WAPL: variants seen among roughly 807,000 people sequenced by gnomAD.
WAPL encodes WAPL cohesin release factor.
WAPL carries 5 observed loss-of-function variants against 121.0 expected under a neutral mutation model. The observed-to-expected ratio is 0.04, with a 90% CI of 0.02 to 0.09. WAPL has a LOEUF of 0.09. WAPL is among the 10% of genes least tolerant of loss of function. The pLI is 1.00. For synonymous variants in WAPL, 480 were observed against 481.5 expected, an observed-to-expected ratio of 1.00 and a Z score of 0.04; for missense variants, 999 against 1,410.8, an observed-to-expected ratio of 0.71 and a Z score of 4.68.
intron 15 of WAPL, among the ~76,000 whole-genome samples, chr10:86,449,713 A>T (rs1444035465): frequency 6.6e-6 from 1 of 152,222 alleles, no homozygotes; most frequent in East Asian, 1.9e-4. Context: ...GAGGCGACTG[A>T]CGGTAAGTTT....
At chr10:86,461,405 A>AAATTGAAAATTAGTTCTAATTTTC in intron 9 of WAPL, 118 bp from the exon 10 acceptor site, 1 of 695,706 alleles carries the variant, frequency 1.4e-6, no homozygotes, top group South Asian at 2.1e-5. Flanking sequence ...TTTATACATA[A>AAATTGAAAATTAGTTCTAATTTTC]AATTGAACTA....
rs1444295239 is a variant in WAPL at position 86,521,652 on chromosome 10, T to C, written c.-310A>G. ...AACAGAGCCTGCTGTGTGCCCCCGC[T>C]GGGCCGCCGCCGCCTCCTGCGCCGC... On this transcript the variant is annotated 5_prime_UTR_variant, in exon 1 of 19. Coordinates refer to ENST00000298767, the MANE Select transcript of WAPL (RefSeq NM_015045.5). 1 of 461,740 alleles carries C rather than the reference T, an allele frequency of 2.2e-6. No individual in the cohort carries two copies. The highest frequency in any genetic ancestry group is 2.4e-5 in the Admixed American group (1 of 41,922). The allele number at this position is 461,740 out of a possible 1,614,324, so 28.6% of individuals were successfully genotyped here. A position where few individuals can be genotyped will look rare whatever the true frequency, so the allele number is the denominator to read the frequency against.
At chr10:86,515,383 C>G (rs751629024) in intron 2 of WAPL, among the ~76,000 whole-genome samples, 1 of 151,898 alleles carries the variant, frequency 6.6e-6, no homozygotes, top group Non-Finnish European at 1.5e-5. Context: ...TGATAATAAA[C>G]GAATCTCATT....
chr10:86,468,054 C>T (rs1460490577), intron 8 of WAPL, among the ~76,000 whole-genome samples: 1 of 151,956 alleles, frequency 6.6e-6, no homozygotes, highest in East Asian at 1.9e-4. Flanking sequence ...TTCAATGGAT[C>T]CTCCATATAT....
At chr10:86,505,772 G>A (rs1280114975) in intron 2 of WAPL, among the ~76,000 whole-genome samples, 1 of 152,080 alleles carries the variant, frequency 6.6e-6, no homozygotes, top group African/African-American at 2.4e-5. Flanking sequence ...AAGTAGGATA[G>A]AAATACAATT....
chr10:86,467,194 T>C (rs1431329523), intron 9 of WAPL, 85 bp downstream of exon 9: 1 of 1,198,488 alleles, frequency 8.3e-7, no homozygotes, highest in African/African-American at 1.5e-5. Flanking sequence ...TAAAATAATT[T>C]GCCCACAGTC....
Position 86,449,309 on chromosome 10 carries a change from C to A in WAPL, c.3114+2658G>T, listed in dbSNP as rs539329893. Among the ~76,000 whole-genome samples, 10 of 152,298 alleles carry A rather than the reference C, an allele frequency of 6.6e-5. No individual in the cohort carries two copies. The South Asian group carries it at 1.7e-3, about 25-fold the overall frequency. Reference sequence around the variant, plus strand: ...TGAATAACAGAATTAAGAGCCATTTCTTGACACTTTAAGGTAACTGATGTG... The same window carrying A: ...TGAATAACAGAATTAAGAGCCATTTATTGACACTTTAAGGTAACTGATGTG... On this transcript the variant is annotated intron_variant, in intron 15 of 18. Coordinates refer to ENST00000298767, the MANE Select transcript of WAPL (RefSeq NM_015045.5).
chr10:86,513,624 TA>T (rs1404019654), intron 2 of WAPL, among the ~76,000 whole-genome samples: 1 of 152,212 alleles, frequency 6.6e-6, no homozygotes, highest in African/African-American at 2.4e-5. Context: ...ACAAAATTTT[TA>T]AAAGTACTAT....
rs1849312313 is a variant in WAPL, at chr10:86,436,020, G to A, written c.*1523C>T. On this transcript the variant is annotated 3_prime_UTR_variant, in exon 19 of 19. Coordinates refer to ENST00000298767, the MANE Select transcript of WAPL (RefSeq NM_015045.5). ...TATGTTCTTAAAAGGTGATGGGTAG[G>A]GGTTGGGGTGGGTAGAAGGAAGAAA... 1 of 152,438 alleles carries A rather than the reference G, an allele frequency of 6.6e-6. No homozygotes were observed. Among genetic ancestry groups the A allele is most frequent in the South Asian group, 2.1e-4 (1 of 4,828 alleles). The allele number at this position is 152,438 out of a possible 1,614,324, so 9.4% of individuals were successfully genotyped here. A position where few individuals can be genotyped will look rare whatever the true frequency, so the allele number is the denominator to read the frequency against.
intron 4 of WAPL, among the ~76,000 whole-genome samples, chr10:86,485,868 G>A (rs973096416): frequency 4.6e-5 from 7 of 151,978 alleles, no homozygotes; most frequent in Non-Finnish European, 7.4e-5. Flanking sequence ...CTAGCACAGT[G>A]AAAGTCATGT....
At chr10:86,519,005 G>C (rs1295183956) in intron 1 of WAPL, among the ~76,000 whole-genome samples, 1 of 151,970 alleles carries the variant, frequency 6.6e-6, no homozygotes, top group Non-Finnish European at 1.5e-5. Context: ...ATATTTTCTG[G>C]GGCTAGTGAG....
chr10:86,449,989 T>A (rs1218061916), intron 15 of WAPL, among the ~76,000 whole-genome samples: 1 of 152,118 alleles, frequency 6.6e-6, no homozygotes, highest in Non-Finnish European at 1.5e-5. Flanking sequence ...CACACAAACA[T>A]AAATGAATGC....
Position 86,472,577 on chromosome 10 carries a change from T to C in WAPL, c.1893+35A>G. The C allele has an allele frequency of 6.3e-7, 1 of 1,595,820 alleles. No individual in the cohort carries two copies. Among genetic ancestry groups the C allele is most frequent in the Non-Finnish European group, 8.5e-7 (1 of 1,172,088 alleles). On this transcript the variant is annotated intron_variant, in intron 6 of 18. Coordinates refer to ENST00000298767, the MANE Select transcript of WAPL (RefSeq NM_015045.5). The surrounding 1 kb of genome is among the most constrained non-coding windows in gnomAD (Gnocchi z 4.2). ...GCTAAATGTTACATACAAAAATCTA[T>C]CAACATGCAGTAAACACTGTATATG...
intron 17 of WAPL, among the ~76,000 whole-genome samples, chr10:86,439,501 A>C (rs888666624): frequency 1.3e-5 from 2 of 152,230 alleles, no homozygotes; most frequent in South Asian, 4.1e-4. Flanking sequence ...ACAGAACATG[A>C]CATACAGCGT....
intron 4 of WAPL, among the ~76,000 whole-genome samples, chr10:86,492,768 C>A (rs957539232): frequency 2.0e-5 from 3 of 152,052 alleles, no homozygotes; most frequent in Non-Finnish European, 4.4e-5. Flanking sequence ...AAAAAACCAT[C>A]AGGGCCATCC....
At chr10:86,510,744 A>G (rs771493122) in intron 2 of WAPL, among the ~76,000 whole-genome samples, 8 of 152,264 alleles carry the variant, frequency 5.3e-5, no homozygotes, top group Non-Finnish European at 8.8e-5. Flanking sequence ...TTCCATTTAT[A>G]TACACATATG....
chr10:86,479,523 G>C (rs1487079507), intron 4 of WAPL, among the ~76,000 whole-genome samples: 1 of 152,154 alleles, frequency 6.6e-6, no homozygotes, highest in Non-Finnish European at 1.5e-5. Context: ...CAAAGTGCTG[G>C]GACTACTGGC....
chr10:86,511,327 T>C (rs552578871), intron 2 of WAPL, among the ~76,000 whole-genome samples: 6 of 152,178 alleles, frequency 3.9e-5, no homozygotes, highest in Non-Finnish European at 8.8e-5. Context: ...GAAAATTACT[T>C]GAACAGAGAC....
intron 4 of WAPL, among the ~76,000 whole-genome samples, chr10:86,478,695 TGA>T (rs1287693213): frequency 6.6e-6 from 1 of 152,140 alleles, no homozygotes; most frequent in Non-Finnish European, 1.5e-5. Context: ...CATTTCTTCA[TGA>T]GAGATAATAT....
Sources: allele counts gnomAD v4.1 joint callset (sites outside exome capture counted in the v4.1 genomes callset), GRCh38; gene constraint gnomAD v4.1.1; non-coding constraint Gnocchi (gnomAD v3.1); transcripts MANE v1.5; gene names NCBI Gene and HGNC (gene_info 2026-07-23, HGNC 2026-07-21).